The following CCDC146 variants were observed in gnomAD, a reference collection of about 807,000 sequenced individuals.
CCDC146 encodes coiled-coil domain containing 146.
A neutral mutation model predicts 119.3 loss-of-function variants in CCDC146; 92 were observed. The ratio of observed to expected loss-of-function variants is 0.77; its 90% CI spans 0.65 to 0.92. The LOEUF (loss-of-function observed/expected upper bound fraction) is 0.92. Among genes scored for constraint, CCDC146 ranks in the 40% least tolerant of loss-of-function variants. CCDC146 has a pLI of 0.00. For missense variants in CCDC146, 1,000 were observed against 1,103.0 expected (o/e 0.91, Z 1.32); for synonymous variants, 372 against 371.8 (o/e 1.00, Z -0.01).
chr7:77,250,327 C>T (rs755979351), intron 4 of CCDC146, among the ~76,000 whole-genome samples: 2 of 152,162 alleles, frequency 1.3e-5, no homozygotes, highest in Non-Finnish European at 2.9e-5. Flanking sequence ...ATTTTCCTTC[C>T]CTCTAAAGAG....
chr7:77,214,577 A>C (rs1412472354), intron 2 of CCDC146, among the ~76,000 whole-genome samples: 1 of 152,142 alleles, frequency 6.6e-6, no homozygotes, highest in African/African-American at 2.4e-5. Flanking sequence ...CTTACATTCA[A>C]GTCTTTAATC....
Position 77,196,313 on chromosome 7 carries a change from T to G in CCDC146, c.156+28489T>G. 1.2e-6 allele frequency: 2 copies of G among 1,614,066 alleles called. No homozygotes were observed. Among genetic ancestry groups the G allele is most frequent in the Non-Finnish European group, 8.5e-7 (1 of 1,179,956 alleles). On this transcript the variant is annotated intron_variant, in intron 2 of 18. Coordinates refer to ENST00000285871, the MANE Select transcript of CCDC146 (RefSeq NM_020879.3). This position sits in a 1 kb window ranked among gnomAD's most constrained non-coding sequence, Gnocchi z 4.2. The stretch of plus-strand genomic sequence containing the variant: ...AAAGTGCTTGGGTCTGATCATCATC[T>G]TAGCCTCTTTGAAGGAGGACTTGTA...
At chr7:77,144,737 T>A (rs1790988736) in intron 1 of CCDC146, among the ~76,000 whole-genome samples, 1 of 151,894 alleles carries the variant, frequency 6.6e-6, no homozygotes, top group African/African-American at 2.4e-5. Context: ...TTGCATATGT[T>A]GAACCAGCCT....
rs1206772821 is a variant in CCDC146 at position 77,256,357 on chromosome 7, T to C, written c.532T>C (p.Leu178=). 3 of 1,594,698 alleles carry C rather than the reference T, an allele frequency of 1.9e-6. No homozygotes were observed. Among genetic ancestry groups the C allele is most frequent in the East Asian group, 2.2e-5 (1 of 44,590 alleles). Residue 178 remains leucine (L), a synonymous_variant, in exon 6 of 19, where the codon TTG becomes CTG. Coordinates refer to ENST00000285871, the MANE Select transcript of CCDC146 (RefSeq NM_020879.3). ...GGAAATGGAGAAGAAGATGAAAATATTGAGAGAAAGCACTGAAGAATTACG... is the reference window on the plus strand; with the variant it reads ...GGAAATGGAGAAGAAGATGAAAATACTGAGAGAAAGCACTGAAGAATTACG... ...PGEMEKKMKI[L]RESTEELRKE... is the part of the protein sequence containing the mutation.
intron 2 of CCDC146, among the ~76,000 whole-genome samples, chr7:77,171,717 ACT>A (rs1562822277): frequency 6.6e-6 from 1 of 152,198 alleles, no homozygotes; most frequent in Non-Finnish European, 1.5e-5. Flanking sequence ...GCTTGTAGCC[ACT>A]CTTCACAGAG....
Position 77,292,981 on chromosome 7 carries a change from T to G in CCDC146, c.2445T>G (p.Asn815Lys). Residue 815 changes from asparagine to lysine, a missense_variant, in exon 18 of 19, where the codon AAT becomes AAG. Asn to Lys is a moderately conservative substitution (Grantham distance 94). This residue lies in a region of CCDC146 where 985 missense variants were observed against 1,045.3 expected (regional missense o/e 0.94). Coordinates refer to ENST00000285871, the MANE Select transcript of CCDC146 (RefSeq NM_020879.3). ...KMNGYQRRIK[N>K]ATEKMMALVA... ...ATGGCTATCAAAGAAGGATCAAAAA[T>G]GCAACTGAGAAAATGATGGCTCTTG... 1 of 1,613,956 alleles carries G rather than the reference T, an allele frequency of 6.2e-7. No individual in the cohort carries two copies.
chr7:77,251,346 T>C (rs796942030), intron 4 of CCDC146, among the ~76,000 whole-genome samples: 67 of 152,230 alleles, frequency 4.4e-4, no homozygotes, highest in African/African-American at 1.4e-3. Context: ...TATTATTTCT[T>C]AGAATTTCCT....
chr7:77,256,329 A>C lies in CCDC146; in HGVS notation c.508-4A>C. ...TAACCTAATCATCTTCACGACTTTT[A>C]AAGGAAATGGAGAAGAAGATGAAAA... On this transcript the variant is annotated splice_polypyrimidine_tract_variant and splice_region_variant and intron_variant, in intron 5 of 18. Coordinates refer to ENST00000285871, the MANE Select transcript of CCDC146 (RefSeq NM_020879.3). 1 of 1,583,094 alleles carries C rather than the reference A, an allele frequency of 6.3e-7. No individual in the cohort carries two copies.
intron 2 of CCDC146, among the ~76,000 whole-genome samples, chr7:77,206,717 A>C (rs1792089231): frequency 6.6e-6 from 1 of 150,906 alleles, no homozygotes; most frequent in African/African-American, 2.4e-5. Context: ...GAATTTATAT[A>C]ATATATAACC....
chr7:77,274,708 A>T (rs1183697581), intron 11 of CCDC146, 56 bp downstream of exon 11: 1 of 1,362,432 alleles, frequency 7.3e-7, no homozygotes, highest in Non-Finnish European at 1.0e-6. Context: ...GGGTAGCCTC[A>T]TTATAATGCC....
At chr7:77,188,089 T>C (rs1049210304) in intron 2 of CCDC146, among the ~76,000 whole-genome samples, 1 of 152,206 alleles carries the variant, frequency 6.6e-6, no homozygotes, top group Non-Finnish European at 1.5e-5. Context: ...TCACTTTACC[T>C]TTTTTGTCTA....
intron 2 of CCDC146, among the ~76,000 whole-genome samples, chr7:77,229,529 T>C (rs1792579037): frequency 6.6e-6 from 1 of 152,234 alleles, no homozygotes; most frequent in Middle Eastern, 3.2e-3. Context: ...TTCAATCTTC[T>C]GCATATGGCT....
chr7:77,183,283 G>T (rs1483905844), intron 2 of CCDC146, among the ~76,000 whole-genome samples: 1 of 151,894 alleles, frequency 6.6e-6, no homozygotes, highest in Admixed American at 6.6e-5. Flanking sequence ...AAAGCAGTCT[G>T]CAGAGTTTTT....
chr7:77,286,060 G>A (rs911467683), intron 15 of CCDC146, among the ~76,000 whole-genome samples: 2 of 152,152 alleles, frequency 1.3e-5, no homozygotes, highest in African/African-American at 4.8e-5. Context: ...TTGCTGTAAA[G>A]GAATACCTGA....
intron 2 of CCDC146, among the ~76,000 whole-genome samples, chr7:77,186,049 T>C (rs1273667930): frequency 2.6e-5 from 4 of 152,176 alleles, no homozygotes; most frequent in African/African-American, 9.6e-5. Flanking sequence ...GGTGGGAATG[T>C]AAATTAGCAC....
rs1325778556 is a variant in CCDC146, at chr7:77,231,633, G to C, written c.157-5314G>C. On this transcript the variant is annotated intron_variant, in intron 2 of 18. Coordinates refer to ENST00000285871, the MANE Select transcript of CCDC146 (RefSeq NM_020879.3). ...TATGATTTTCTACTTAGGAATTTCA[G>C]TGTAGCTCCTTAAAAATTTCTTCTT... Among the ~76,000 whole-genome samples the C allele has an allele frequency of 2.0e-5, 3 of 152,126 alleles. No individual in the cohort carries two copies. The East Asian group carries it at 5.8e-4, about 29-fold the overall frequency.
chr7:77,223,749 T>C (rs1190751538), intron 2 of CCDC146, among the ~76,000 whole-genome samples: 23 of 152,234 alleles, frequency 1.5e-4, no homozygotes, highest in Non-Finnish European at 7.3e-5. Flanking sequence ...TGGAAATTAT[T>C]AAACACTTAT....
At chr7:77,199,254 T>C in intron 2 of CCDC146, 1 of 1,614,064 alleles carries the variant, frequency 6.2e-7, no homozygotes, top group Non-Finnish European at 8.5e-7. Context: ...CAACAAATGT[T>C]AGATTTGCCA....
intron 2 of CCDC146, among the ~76,000 whole-genome samples, chr7:77,202,653 G>A (rs1299335496): frequency 6.6e-6 from 1 of 152,212 alleles, no homozygotes; most frequent in African/African-American, 2.4e-5. Context: ...GAAGGCAGAT[G>A]CTAAGTGACT....
Sources: gnomAD v4.1 joint callset for allele counts (sites outside exome capture counted in the v4.1 genomes callset) on GRCh38, gnomAD v4.1.1 for gene constraint, gnomAD v4.1.1 regional missense constraint, Gnocchi (gnomAD v3.1) non-coding constraint, MANE v1.5 for transcripts, NCBI Gene and HGNC (gene_info 2026-07-23, HGNC 2026-07-21) for gene names.